The following GIPC2 variants were observed in gnomAD, a reference collection of about 807,000 sequenced individuals.
GIPC2 encodes the protein PDZ domain-containing protein GIPC2.
In GIPC2, 30 loss-of-function variants were observed where a neutral mutation model predicts 30.6. The observed-to-expected ratio is 0.98, with a 90% confidence interval of 0.73 to 1.33. GIPC2 has a LOEUF of 1.33. GIPC2 is among the 40% of genes most tolerant of loss of function. The pLI is 0.00. For synonymous variants in GIPC2, 167 were observed against 150.0 expected (o/e 1.11, Z -0.83); for missense variants, 414 against 390.3 (o/e 1.06, Z -0.51).
intron 1 of GIPC2, among the ~76,000 whole-genome samples, chr1:78,075,090 G>A (rs1028106662): frequency 6.6e-6 from 1 of 152,140 alleles, no homozygotes; most frequent in Non-Finnish European, 1.5e-5. Context: ...ATCAGACAGC[G>A]TGTTTTCAGC....
intron 4 of GIPC2, 151 bp downstream of exon 4, chr1:78,119,650 T>C: frequency 1.7e-6 from 1 of 589,432 alleles, no homozygotes; most frequent in Non-Finnish European, 3.0e-6. Flanking sequence ...AATATAGAAA[T>C]TAAGGACATG....
rs201839129 is a variant in GIPC2, at chr1:78,125,859, A to G, written c.715-22A>G. 144 of 1,342,166 alleles carry G rather than the reference A, an allele frequency of 1.1e-4. 2 individuals carry two copies. The highest frequency in any genetic ancestry group is 1.0e-3 in the South Asian group (89 of 84,910). The allele number at this position is 1,342,166 out of a possible 1,614,324, so 83.1% of individuals were successfully genotyped here. ...AAGAGATTTTGTTGTATAATATCTT[A>G]TTTCTCTCTTTTTTGATAAAGCCTT... On this transcript the variant is annotated intron_variant, in intron 4 of 5. Coordinates refer to ENST00000370759, the MANE Select transcript of GIPC2 (RefSeq NM_017655.6).
chr1:78,135,561 A>G (rs370890395), intron 5 of GIPC2, 31 bp from the exon 6 acceptor site: 329 of 1,365,830 alleles, frequency 2.4e-4, no homozygotes, highest in Middle Eastern at 5.5e-4. Context: ...TATTTCATTT[A>G]TTGTTAATTT....
At chr1:78,118,065 G>A (rs1179404011) in intron 3 of GIPC2, among the ~76,000 whole-genome samples, 1 of 151,684 alleles carries the variant, frequency 6.6e-6, no homozygotes, top group East Asian at 1.9e-4. Flanking sequence ...TGAGACTACA[G>A]GTGCGTGCCA....
At chr1:78,094,730 A>G (rs973528147) in intron 2 of GIPC2, 7 of 345,804 alleles carry the variant, frequency 2.0e-5, no homozygotes, top group Non-Finnish European at 3.7e-5. Flanking sequence ...ACTGAGCATC[A>G]GACTGCATTG....
intron 2 of GIPC2, chr1:78,091,990 G>GAACT: frequency 2.1e-6 from 3 of 1,396,850 alleles, no homozygotes; most frequent in Non-Finnish European, 3.0e-6. Flanking sequence ...ACCCCACAGT[G>GAACT]AACTACATTT....
At chr1:78,052,795 GGCTTCCCAGAA>G (rs1661219777) in intron 1 of GIPC2, among the ~76,000 whole-genome samples, 1 of 152,122 alleles carries the variant, frequency 6.6e-6, no homozygotes, top group Non-Finnish European at 1.5e-5. Flanking sequence ...TGCTTCCTGA[GGCTTCCCAGAA>G]GCTGCTTCCT....
intron 1 of GIPC2, among the ~76,000 whole-genome samples, chr1:78,059,662 C>T (rs141162000): frequency 9.2e-5 from 14 of 152,014 alleles, no homozygotes; most frequent in Non-Finnish European, 2.1e-4. Context: ...GGATAGGACT[C>T]GGGAGGCAGA....
At chr1:78,057,855 T>A (rs1661324726) in intron 1 of GIPC2, among the ~76,000 whole-genome samples, 1 of 152,204 alleles carries the variant, frequency 6.6e-6, no homozygotes, top group Admixed American at 6.5e-5. Context: ...CTCCATCCTA[T>A]GAGATGGGTA....
rs749647092 is a variant in GIPC2 at position 78,095,078 on chromosome 1, T to C, written c.553T>C (p.Leu185=). 3 of 1,612,380 alleles carry C rather than the reference T, an allele frequency of 1.9e-6. No individual in the cohort carries two copies. The highest frequency in any genetic ancestry group is 2.5e-6 in the Non-Finnish European group (3 of 1,178,556). Residue 185 remains leucine, a synonymous_variant, in exon 3 of 6, where the codon TTA becomes CTA. Coordinates refer to ENST00000370759, the MANE Select transcript of GIPC2 (RefSeq NM_017655.6). ...HYDVAKKLKE[L]KKEELFTMKL... ...TGATGTTGCTAAGAAGTTAAAGGAA[T>C]TAAAAAAGGAGGAACTCTTTACTAT...
At chr1:78,076,416 T>C (rs74093206) in intron 1 of GIPC2, among the ~76,000 whole-genome samples, 5,246 of 152,296 alleles carry the variant, frequency 0.034, 278 homozygotes, top group African/African-American at 0.12. Context: ...ACTGGTTTCA[T>C]GGAAGACAGT....
intron 1 of GIPC2, among the ~76,000 whole-genome samples, chr1:78,062,495 TTTTC>T (rs1661412337): frequency 6.6e-6 from 1 of 151,512 alleles, no homozygotes; most frequent in Non-Finnish European, 1.5e-5. Flanking sequence ...TTACTGTGTT[TTTTC>T]TTTTTCTTTT....
intron 1 of GIPC2, among the ~76,000 whole-genome samples, chr1:78,073,118 T>G (rs1174068807): frequency 6.6e-6 from 1 of 151,332 alleles, no homozygotes; most frequent in Non-Finnish European, 1.5e-5. Context: ...CTTTTTTTTT[T>G]TTTGAGACAG....
chr1:78,097,202 C>CT, intron 3 of GIPC2, among the ~76,000 whole-genome samples: 1 of 152,218 alleles, frequency 6.6e-6, no homozygotes, highest in South Asian at 2.1e-4. Flanking sequence ...TGTTTCCTTT[C>CT]TTTTTTTCCT....
chr1:78,059,860 A>T (rs1248228773), intron 1 of GIPC2, among the ~76,000 whole-genome samples: 1 of 152,252 alleles, frequency 6.6e-6, no homozygotes, highest in Admixed American at 6.5e-5. Flanking sequence ...GAGAATTTAA[A>T]ACTGAAGTGC....
At chr1:78,097,021 T>A (rs1662150202) in intron 3 of GIPC2, among the ~76,000 whole-genome samples, 1 of 152,154 alleles carries the variant, frequency 6.6e-6, no homozygotes, top group Non-Finnish European at 1.5e-5. Flanking sequence ...CAGCCCTGAA[T>A]TTTTCTGCTT....
At chr1:78,115,384 T>C (rs1368707133) in intron 3 of GIPC2, among the ~76,000 whole-genome samples, 2 of 152,166 alleles carry the variant, frequency 1.3e-5, no homozygotes, top group African/African-American at 4.8e-5. Flanking sequence ...AGACAAACCA[T>C]ACCAAGTAGG....
intron 1 of GIPC2, among the ~76,000 whole-genome samples, chr1:78,050,657 G>A (rs956074659): frequency 2.0e-5 from 3 of 147,534 alleles, no homozygotes; most frequent in African/African-American, 7.5e-5. Flanking sequence ...TTTTTGTGAC[G>A]GGAGTCTCGC....
intron 1 of GIPC2, among the ~76,000 whole-genome samples, chr1:78,079,272 A>G (rs1250376173): frequency 6.6e-6 from 1 of 151,994 alleles, no homozygotes; most frequent in Non-Finnish European, 1.5e-5. Flanking sequence ...TTTTGTCCTC[A>G]TCACTAGCTC....
Sources: gnomAD v4.1 joint callset for allele counts (sites outside exome capture counted in the v4.1 genomes callset) on GRCh38, gnomAD v4.1.1 for gene constraint, MANE v1.5 for transcripts, NCBI Gene and HGNC (gene_info 2026-07-23, HGNC 2026-07-21) for gene names.